Variants in CLGN observed in about 807,000 individuals in gnomAD.
CLGN encodes the protein calmegin.
Under a neutral mutation model 79.1 loss-of-function variants are expected in CLGN, and 62 were observed. The observed-to-expected ratio is 0.78, with a 90% CI of 0.64 to 0.97. CLGN has a LOEUF of 0.97. Ranked by LOEUF, CLGN falls within the 50% of genes least tolerant of loss-of-function variation. CLGN has a pLI of 0.00. For missense variants in CLGN, 647 were observed against 715.5 expected (o/e 0.90, Z 1.09); for synonymous variants, 225 against 224.7 (o/e 1.00, Z -0.01).
intron 11 of CLGN, among the ~76,000 whole-genome samples, chr4:140,393,391 A>C (rs1361296320): frequency 1.3e-5 from 2 of 152,092 alleles, no homozygotes; most frequent in Non-Finnish European, 2.9e-5. Context: ...AAACAGTGTT[A>C]AGGTTTCGGG....
Position 140,413,082 on chromosome 4 carries a change from G to T in CLGN, c.-4C>A. The T allele has an allele frequency of 6.2e-7, 1 of 1,604,308 alleles. No homozygotes were observed. Among genetic ancestry groups the T allele is most frequent in the South Asian group, 1.1e-5 (1 of 88,756 alleles). ...GCCAAAAGGCTTGGAAATGCATATT[G>T]ATTATCTGTGAAATTAAAAGTAATT... On this transcript the variant is annotated 5_prime_UTR_variant, in exon 2 of 15. Coordinates refer to ENST00000325617, the MANE Select transcript of CLGN (RefSeq NM_004362.3).
intron 5 of CLGN, among the ~76,000 whole-genome samples, chr4:140,405,110 G>C (rs1729074762): frequency 6.6e-6 from 1 of 151,248 alleles, no homozygotes; most frequent in Non-Finnish European, 1.5e-5. Context: ...TGGTTTAATA[G>C]CAATTTTTAT....
intron 1 of CLGN, among the ~76,000 whole-genome samples, chr4:140,414,144 C>T (rs1729274846): frequency 6.6e-6 from 1 of 152,204 alleles, no homozygotes. Context: ...AGGGTCCTGT[C>T]TGTTAGAAGG....
chr4:140,405,267 C>T (rs1729082480), intron 5 of CLGN, among the ~76,000 whole-genome samples: 1 of 145,020 alleles, frequency 6.9e-6, no homozygotes, highest in Admixed American at 6.9e-5. Flanking sequence ...TCACTGCAAG[C>T]TCCGCCTCCC....
intron 1 of CLGN, among the ~76,000 whole-genome samples, chr4:140,421,943 G>A (rs989932734): frequency 2.0e-5 from 3 of 152,024 alleles, no homozygotes; most frequent in South Asian, 2.1e-4. Flanking sequence ...AATCCATTTC[G>A]AGTTAATTTT....
At chr4:140,425,378 G>A (rs1389392696) in intron 1 of CLGN, among the ~76,000 whole-genome samples, 1 of 151,810 alleles carries the variant, frequency 6.6e-6, no homozygotes, top group Non-Finnish European at 1.5e-5. Context: ...TCATTACTTG[G>A]AGGAGAGTCA....
chr4:140,405,398 A>C (rs1454408718), intron 5 of CLGN, among the ~76,000 whole-genome samples: 1 of 150,258 alleles, frequency 6.7e-6, no homozygotes, highest in Non-Finnish European at 1.5e-5. Context: ...TTTAGCCAGG[A>C]TGGTCTCGAT....
In CLGN at chr4:140,410,594, T is replaced by G. The variant is rs761959957; in HGVS notation, c.177A>C (p.Glu59Asp). 1.2e-6 allele frequency: 2 copies of G among 1,603,188 alleles called. No homozygotes were observed. The highest frequency in any genetic ancestry group is 1.7e-6 in the Non-Finnish European group (2 of 1,170,514). Residue 59 changes from glutamate (E) to aspartate (D), a missense_variant, in exon 3 of 15, where the codon GAA becomes GAC. Transcript: ENST00000325617. ...IKYKTPQPIG[E>D]VYFAETFDSG... ...TATCAAAAGTTTCTGCAAAATATAC[T>G]TCTCCTATAGGTTGAGGTGTCTTAT...
At chr4:140,404,222 T>C (rs945946063) in intron 5 of CLGN, among the ~76,000 whole-genome samples, 3 of 151,864 alleles carry the variant, frequency 2.0e-5, no homozygotes, top group Non-Finnish European at 4.4e-5. Context: ...GCCTCCCGAG[T>C]AGCTGGGGCT....
intron 1 of CLGN, among the ~76,000 whole-genome samples, chr4:140,416,114 C>A (rs1194564457): frequency 2.9e-4 from 16 of 54,726 alleles, no homozygotes; most frequent in African/African-American, 1.4e-3. Context: ...GGGTACATAA[C>A]GAAATGAAGG....
At chr4:140,418,755 G>A (rs995216751) in intron 1 of CLGN, among the ~76,000 whole-genome samples, 26 of 149,610 alleles carry the variant, frequency 1.7e-4, no homozygotes, top group Non-Finnish European at 3.6e-4. Context: ...ACTGTTGGTG[G>A]GACTGTAAAC....
chr4:140,415,736 C>T (rs1421632982), intron 1 of CLGN, among the ~76,000 whole-genome samples: 1 of 133,504 alleles, frequency 7.5e-6, no homozygotes, highest in Non-Finnish European at 1.6e-5. Context: ...ACTTAGACTC[C>T]CACACATTAA....
rs763083485 is a variant in CLGN at position 140,398,835 on chromosome 4, C to T, written c.884+16G>A. On this transcript the variant is annotated intron_variant, in intron 8 of 14. Coordinates refer to ENST00000325617, the MANE Select transcript of CLGN (RefSeq NM_004362.3). Reference sequence around the variant, plus strand: ...GTTATGCCAGATAATGCTTTGCTACCGAATTATTTGCTTACCAGTCTTCTG... The same window carrying T: ...GTTATGCCAGATAATGCTTTGCTACTGAATTATTTGCTTACCAGTCTTCTG... The T allele has an allele frequency of 2.0e-5, 32 of 1,609,928 alleles. No homozygotes were observed. The highest frequency in any genetic ancestry group is 1.6e-4 in the African/African-American group (12 of 74,542).
chr4:140,410,429 G>T, intron 3 of CLGN, 124 bp downstream of exon 3: 1 of 664,274 alleles, frequency 1.5e-6, no homozygotes, highest in South Asian at 1.8e-5. Flanking sequence ...GATTTACATT[G>T]TCAATTAAAC....
In CLGN at chr4:140,398,837, A is replaced by C; in HGVS notation, c.884+14T>G. 6.2e-7 allele frequency: 1 copy of C among 1,611,312 alleles called. No individual in the cohort carries two copies. Among genetic ancestry groups the C allele is most frequent in the East Asian group, 2.2e-5 (1 of 44,814 alleles). ...TATGCCAGATAATGCTTTGCTACCG[A>C]ATTATTTGCTTACCAGTCTTCTGGT... On this transcript the variant is annotated intron_variant, in intron 8 of 14. Coordinates refer to ENST00000325617, the MANE Select transcript of CLGN (RefSeq NM_004362.3).
rs1728822170 is a variant in CLGN at position 140,393,924 on chromosome 4, A to C, written c.1267T>G (p.Tyr423Asp). The C allele has an allele frequency of 6.2e-7, 1 of 1,613,802 alleles. No homozygotes were observed. Among genetic ancestry groups the C allele is most frequent in the African/African-American group, 1.3e-5 (1 of 75,034 alleles). ...LELWSMTSDI[Y>D]FDNFIICSEK... ...GAACAGATAATAAAATTATCAAAGT[A>C]GATATCAGAGGTCATAGACCAAAGC... The change falls in exon 11 of 15, where the codon TAC (tyrosine) becomes GAC (aspartate). Residue 423 changes from tyrosine (Y) to aspartate (D), a missense_variant. By Grantham distance (160) the Tyr-to-Asp change is radical. Transcript: ENST00000325617.
At chr4:140,414,285 C>A (rs1440448642) in intron 1 of CLGN, among the ~76,000 whole-genome samples, 1 of 152,050 alleles carries the variant, frequency 6.6e-6, no homozygotes, top group Non-Finnish European at 1.5e-5. Flanking sequence ...CTCTAAAAAG[C>A]AGAGCGCCTC....
chr4:140,403,266 A>C (rs75609393), intron 5 of CLGN, among the ~76,000 whole-genome samples: 2,150 of 152,278 alleles, frequency 0.014, 19 homozygotes, highest in South Asian at 0.04. Context: ...CTAAGTCTCT[A>C]TTTGCTCATC....
In CLGN at chr4:140,395,956, C is replaced by A; in HGVS notation, c.1012G>T (p.Asp338Tyr). 6.3e-7 allele frequency: 1 copy of A among 1,598,958 alleles called. No homozygotes were observed. Residue 338 changes from aspartate (D) to tyrosine (Y), a missense_variant, in exon 10 of 15, where the codon GAT becomes TAT. By Grantham distance (160) the Asp-to-Tyr change is radical. Coordinates refer to ENST00000325617, the MANE Select transcript of CLGN (RefSeq NM_004362.3). ...ATCTGAGGTGCCTCCCATTCTCCAT[C>A]CGTGTCTTCATTCCTTAGGATATTA... ...EKPDDWNEDT[D>Y]GEWEAPQILN...
Sources: allele counts gnomAD v4.1 joint callset (sites outside exome capture counted in the v4.1 genomes callset), GRCh38; gene constraint gnomAD v4.1.1; transcripts MANE v1.5; gene names NCBI Gene and HGNC (gene_info 2026-07-23, HGNC 2026-07-21).